The following NOMO1 variants were observed in gnomAD, a reference collection of about 807,000 sequenced individuals.
NOMO1 encodes nodal modulator 3.
NOMO1 carries 40 observed loss-of-function variants against 133.8 expected under a neutral mutation model. That is an observed-to-expected ratio of 0.30 (90% CI 0.23 to 0.39). NOMO1 has a LOEUF of 0.39. Among genes scored for constraint, NOMO1 ranks in the 10% least tolerant of loss-of-function variants. NOMO1 has a pLI of 1.00. For missense variants in NOMO1, 462 were observed against 1,419.9 expected (o/e 0.33, Z 10.84); for synonymous variants, 236 against 570.5 (o/e 0.41, Z 8.36).
At chr16:14,867,894 CTT>C (rs1358293793) in intron 15 of NOMO1, among the ~76,000 whole-genome samples, 7 of 107,496 alleles carry the variant, frequency 6.5e-5, no homozygotes, top group African/African-American at 5.9e-5. Context: ...TAATAAGATC[CTT>C]TTTTTTTTTT....
chr16:14,887,332 C>T (rs1261766930), intron 28 of NOMO1, among the ~76,000 whole-genome samples: 4 of 150,490 alleles, frequency 2.7e-5, no homozygotes, highest in South Asian at 2.1e-4. Flanking sequence ...CTCGCCTTGT[C>T]GCCCAGGCTG....
Position 14,844,941 on chromosome 16 carries a change from G to A in NOMO1, c.402+167G>A, listed in dbSNP as rs1244893155. 2.0e-3 allele frequency among the ~76,000 whole-genome samples: 297 copies of A among 151,798 alleles called. 3 individuals are homozygous for A. Among genetic ancestry groups the A allele is most frequent in the African/African-American group, 6.5e-3 (268 of 41,244 alleles). ...ACTCTGTACTTCATCCGTGTAGAAC[G>A]CAGCAGGTGTATTTAGGAATGAGAT... is the stretch of plus-strand genomic sequence containing the variant. On this transcript the variant is annotated intron_variant, in intron 4 of 30. Coordinates refer to ENST00000287667, the MANE Select transcript of NOMO1 (RefSeq NM_014287.4).
intron 17 of NOMO1, 118 bp downstream of exon 17, chr16:14,871,802 G>A: frequency 4.5e-6 from 4 of 898,046 alleles, no homozygotes; most frequent in Non-Finnish European, 6.8e-6. Flanking sequence ...GGCAAGGTTA[G>A]GCCTTCAACA....
chr16:14,834,687 G>T (rs1439224072), intron 1 of NOMO1, among the ~76,000 whole-genome samples: 2 of 127,638 alleles, frequency 1.6e-5, no homozygotes, highest in East Asian at 2.6e-4. Flanking sequence ...TGTGCTGAAG[G>T]TTTTTTTTTT....
At chr16:14,882,549 G>A (rs1964258195) in intron 25 of NOMO1, 45 bp from the exon 26 acceptor site, 3 of 1,611,398 alleles carry the variant, frequency 1.9e-6, no homozygotes, top group Non-Finnish European at 2.5e-6. Flanking sequence ...GGCACGATAC[G>A]ACAAGCCCCC....
At chr16:14,874,627 C>T (rs1224012403) in intron 18 of NOMO1, among the ~76,000 whole-genome samples, 2 of 151,988 alleles carry the variant, frequency 1.3e-5, no homozygotes, top group Non-Finnish European at 2.9e-5. Flanking sequence ...CCCATTGAAA[C>T]GTGGATTCCA....
chr16:14,874,072 C>T (rs189181369), intron 18 of NOMO1, among the ~76,000 whole-genome samples: 3 of 44,824 alleles, frequency 6.7e-5, no homozygotes, highest in Non-Finnish European at 9.1e-5. Context: ...AGCTGGGCTT[C>T]GCTTCTTACC....
In NOMO1 at chr16:14,864,680, C is replaced by T; in HGVS notation, c.1491C>T (p.Ala497=). The T allele has an allele frequency of 6.2e-7, 1 of 1,613,122 alleles. No homozygotes were observed. Among genetic ancestry groups the T allele is most frequent in the Non-Finnish European group, 8.5e-7 (1 of 1,179,708 alleles). Residue 497 remains alanine (A), a synonymous_variant, in exon 13 of 31, where the codon GCC becomes GCT. Coordinates refer to ENST00000287667, the MANE Select transcript of NOMO1 (RefSeq NM_014287.4). ...CCAACAGGCCCATGATGGATGTGGC[C>T]TTTGTACAGTTCTTGGCATCAGTTT... ...TVTNRPMMDV[A]FVQFLASVSG... is the part of the protein sequence containing the mutation.
chr16:14,877,632 A>T (rs1391746209), intron 22 of NOMO1, among the ~76,000 whole-genome samples: 4 of 152,076 alleles, frequency 2.6e-5, no homozygotes, highest in African/African-American at 9.7e-5. Context: ...CATGCAAGTA[A>T]CGCAGGTGAC....
intron 28 of NOMO1, 152 bp downstream of exon 28, chr16:14,887,014 A>G: frequency 2.5e-6 from 2 of 813,762 alleles, no homozygotes; most frequent in Non-Finnish European, 3.9e-6. Flanking sequence ...TGTAGGGATT[A>G]TTTTTTCTTC....
At chr16:14,845,485 A>T (rs1170310377) in intron 4 of NOMO1, among the ~76,000 whole-genome samples, 1 of 152,022 alleles carries the variant, frequency 6.6e-6, no homozygotes, top group Non-Finnish European at 1.5e-5. Flanking sequence ...TCTGACACTT[A>T]CCTAGGAGGA....
At chr16:14,868,159 C>A (rs374583195) in intron 15 of NOMO1, among the ~76,000 whole-genome samples, 1 of 134,454 alleles carries the variant, frequency 7.4e-6, no homozygotes, top group Middle Eastern at 3.7e-3. Context: ...AAAGACCCCT[C>A]GGTGGGGATT....
chr16:14,848,610 C>T, intron 5 of NOMO1: 1 of 493,572 alleles, frequency 2.0e-6, no homozygotes, highest in Non-Finnish European at 3.7e-6. Flanking sequence ...TGCTGTGCTG[C>T]AAGGATTGGT....
intron 2 of NOMO1, among the ~76,000 whole-genome samples, chr16:14,839,717 A>G (rs1963576319): frequency 6.6e-6 from 1 of 151,116 alleles, no homozygotes; most frequent in Non-Finnish European, 1.5e-5. Context: ...TGCTTTCAAC[A>G]TTAGCATAGA....
intron 18 of NOMO1, 102 bp from the exon 19 acceptor site, chr16:14,874,934 G>A: frequency 1.1e-6 from 1 of 906,594 alleles, no homozygotes; most frequent in Admixed American, 2.4e-5. Flanking sequence ...GTCATGATAA[G>A]ATGTCCAGTT....
chr16:14,875,778 GTGA>G (rs1964151264), intron 20 of NOMO1, among the ~76,000 whole-genome samples: 1 of 151,910 alleles, frequency 6.6e-6, no homozygotes, highest in African/African-American at 2.4e-5. Context: ...AAAGCTGCCA[GTGA>G]TGATCTTTAA....
At chr16:14,877,915 T>TAAAAC (rs57987674) in intron 22 of NOMO1, among the ~76,000 whole-genome samples, 130,712 of 135,022 alleles carry the variant, frequency 0.97, 63,469 homozygotes, top group East Asian at 1. Context: ...GAAATAAAAA[T>TAAAAC]TAAGTGCCTA....
intron 26 of NOMO1, among the ~76,000 whole-genome samples, chr16:14,883,029 A>G (rs1964267701): frequency 6.6e-6 from 1 of 152,116 alleles, no homozygotes; most frequent in South Asian, 2.1e-4. Flanking sequence ...AGGGCCACGC[A>G]GTTATCTTAG....
rs551953081 is a variant in NOMO1, at chr16:14,866,642, G to C, written c.1757G>C (p.Arg586Thr). ...GATGACATGTCTGCAGTTGAGTTCA[G>C]GCAGACGGGCTACATGCTGAGATGT... ...LEDDMSAVEF[R>T]QTGYMLRCSL... Residue 586 changes from arginine (R) to threonine (T), a missense_variant, in exon 15 of 31, where the codon AGG becomes ACG. By Grantham distance (71) the Arg-to-Thr change is moderately conservative. Coordinates refer to ENST00000287667, the MANE Select transcript of NOMO1 (RefSeq NM_014287.4). 1.6e-5 allele frequency: 25 copies of C among 1,609,924 alleles called. No homozygotes were observed. The highest frequency in any genetic ancestry group is 2.1e-5 in the Non-Finnish European group (25 of 1,179,732).
Sources: gnomAD v4.1 joint callset for allele counts (sites outside exome capture counted in the v4.1 genomes callset) on GRCh38, gnomAD v4.1.1 for gene constraint, MANE v1.5 for transcripts, NCBI Gene and HGNC (gene_info 2026-07-23, HGNC 2026-07-21) for gene names.